Variants in HERC3 observed in about 807,000 individuals in gnomAD.
HERC3 encodes the protein HECT and RLD domain containing E3 ubiquitin protein ligase 3.
Under a neutral mutation model 129.9 loss-of-function variants are expected in HERC3, and 58 were observed. That is an observed-to-expected ratio of 0.45 (90% CI 0.36 to 0.56). The LOEUF (loss-of-function observed/expected upper bound fraction) is 0.56, where lower values mean the gene tolerates loss of function less well. HERC3 is among the 20% of genes least tolerant of loss of function. The pLI, the probability that HERC3 is intolerant of heterozygous loss-of-function variation, is 0.00. For missense variants in HERC3, 835 were observed against 1,244.2 expected, an observed-to-expected ratio of 0.67 and a Z score of 4.95; for synonymous variants, 430 against 451.0, an observed-to-expected ratio of 0.95 and a Z score of 0.59.
chr4:88,527,056 G>A, the HERC3 span: 1 of 152,236 alleles, frequency 6.6e-6, no homozygotes, highest in South Asian at 2.1e-4. Flanking sequence ...AATAACTCTA[G>A]ACATGAATGT....
In HERC3 at chr4:88,704,170, T is replaced by C. The variant is rs754319468; in HGVS notation, c.2730T>C (p.Ser910=). 1.9e-6 allele frequency: 3 copies of C among 1,614,082 alleles called. No homozygotes were observed. Among genetic ancestry groups the C allele is most frequent in the South Asian group, 1.1e-5 (1 of 91,084 alleles). The change falls in exon 24 of 26, where the codon TCT becomes TCC. Residue 910 remains serine, a synonymous_variant. Transcript: ENST00000402738. The stretch of plus-strand genomic sequence containing the variant: ...TTCATGAATGGTACACAGCCTTCTC[T>C]AGTGGCTTCCTAAAGGTGTGTGGTG... ...ISVHEWYTAF[S]SGFLKVCGGK... is the part of the protein sequence containing the mutation.
At chr4:88,647,436 G>A (rs1280004590) in intron 3 of HERC3, among the ~76,000 whole-genome samples, 1 of 152,148 alleles carries the variant, frequency 6.6e-6, no homozygotes, top group East Asian at 1.9e-4. Context: ...CAGAAAAGCC[G>A]TCCAAGTCCT....
At chr4:88,599,229 T>C (rs1259825315) in intron 2 of HERC3, among the ~76,000 whole-genome samples, 1 of 152,350 alleles carries the variant, frequency 6.6e-6, no homozygotes, top group East Asian at 1.9e-4. Context: ...CTCCAATGTG[T>C]TGAACTTCTC....
intron 21 of HERC3, among the ~76,000 whole-genome samples, chr4:88,685,503 A>G (rs1371293117): frequency 1.3e-5 from 2 of 152,178 alleles, no homozygotes; most frequent in Non-Finnish European, 2.9e-5. Context: ...AGGAACAGAA[A>G]ACCAAACACC....
At chr4:88,697,199 GC>G (rs765044533) in intron 23 of HERC3, 1 of 1,504,556 alleles carries the variant, frequency 6.6e-7, no homozygotes, top group Non-Finnish European at 8.9e-7. Flanking sequence ...ATCCATCTCT[GC>G]CCCCCTTACT....
chr4:88,674,687 G>GT (rs33944358), intron 16 of HERC3, among the ~76,000 whole-genome samples: 6,189 of 152,024 alleles, frequency 0.041, 162 homozygotes, highest in Middle Eastern at 0.12. Flanking sequence ...GTGTGGTTTT[G>GT]TTTTTTTGTT....
At chr4:88,672,496 A>G (rs938400488) in intron 16 of HERC3, among the ~76,000 whole-genome samples, 18 of 152,224 alleles carry the variant, frequency 1.2e-4, no homozygotes, top group Non-Finnish European at 2.5e-4. Flanking sequence ...TTGAAGTTTA[A>G]TTTAAAATAC....
At chr4:88,682,231 A>C (rs1240539978) in intron 21 of HERC3, among the ~76,000 whole-genome samples, 1 of 152,190 alleles carries the variant, frequency 6.6e-6, no homozygotes, top group Non-Finnish European at 1.5e-5. Flanking sequence ...AGAATTGCTG[A>C]GTAACTCTGT....
chr4:88,585,876 TAATGACTTAA>T, the HERC3 span, among the ~76,000 whole-genome samples: 1 of 152,222 alleles, frequency 6.6e-6, no homozygotes, highest in Non-Finnish European at 1.5e-5. Flanking sequence ...CATATATCAG[TAATGACTTAA>T]AATGACTTAC....
chr4:88,626,944 A>G (rs565077693), intron 3 of HERC3, among the ~76,000 whole-genome samples: 4 of 152,010 alleles, frequency 2.6e-5, no homozygotes, highest in African/African-American at 9.6e-5. Context: ...CTTTGTGTTT[A>G]ATTTACCGTA....
chr4:88,644,443 T>C (rs1728476584), intron 3 of HERC3, among the ~76,000 whole-genome samples: 1 of 152,200 alleles, frequency 6.6e-6, no homozygotes, highest in African/African-American at 2.4e-5. Context: ...GAACAAACTG[T>C]TGATACATGC....
At position 88,669,867 on chromosome 4, in the gene HERC3, G is replaced by T; in HGVS notation, c.1641G>T (p.Trp547Cys). ...DTNPSKVLDN[W>C]WSQVCPKYFM... The stretch of plus-strand genomic sequence containing the variant: ...TTTTCTTTCTTTCTAAAGATAACTG[G>T]TGGTCTCAGGTATGCCCGAAATATT... The change falls in exon 15 of 26, where the codon TGG becomes TGT. Residue 547 changes from tryptophan to cysteine, a missense_variant. By Grantham distance (215) the Trp-to-Cys change is radical (BLOSUM62 -2). Transcript: ENST00000402738. 1.2e-6 allele frequency: 2 copies of T among 1,611,178 alleles called. No individual in the cohort carries two copies. Among genetic ancestry groups the T allele is most frequent in the Non-Finnish European group, 1.7e-6 (2 of 1,177,918 alleles).
In HERC3 at chr4:88,678,053, C is replaced by T. The variant is rs762487811; in HGVS notation, c.2115C>T (p.His705=). 48 of 1,613,836 alleles carry T rather than the reference C, an allele frequency of 3.0e-5. No homozygotes were observed. The highest frequency in any genetic ancestry group is 1.3e-4 in the Admixed American group (8 of 59,996). ...LLARSPFLVL[H]VRRNNLVGDA... ...CCAGAAGCCCCTTCCTGGTCCTTCA[C>T]GTTCGCAGGAACAACCTTGTTGGAG... The change falls in exon 19 of 26, where the codon CAC becomes CAT. Residue 705 remains histidine, a synonymous_variant. Coordinates refer to ENST00000402738, the MANE Select transcript of HERC3 (RefSeq NM_014606.3).
chr4:88,606,080 G>A (rs751466149), intron 3 of HERC3, 31 bp downstream of exon 3: 3 of 1,562,198 alleles, frequency 1.9e-6, no homozygotes, highest in East Asian at 2.3e-5. Context: ...TTGATTATTG[G>A]TGAGAATGGA....
At chr4:88,549,870 T>C in the HERC3 span, among the ~76,000 whole-genome samples, 1 of 152,016 alleles carries the variant, frequency 6.6e-6, no homozygotes, top group Non-Finnish European at 1.5e-5. Context: ...ATGATAGAAA[T>C]CTAAGTACTA....
At chr4:88,658,044 G>A (rs1470205740) in intron 9 of HERC3, among the ~76,000 whole-genome samples, 3 of 152,212 alleles carry the variant, frequency 2.0e-5, no homozygotes, top group East Asian at 3.9e-4. Flanking sequence ...GGCAAGATTC[G>A]TCCTGACGGG....
the HERC3 span, among the ~76,000 whole-genome samples, chr4:88,554,416 G>A: frequency 3.3e-5 from 5 of 152,060 alleles, no homozygotes; most frequent in African/African-American, 1.2e-4. Flanking sequence ...CTGTGTCTTG[G>A]TAGCAGGCAC....
intron 24 of HERC3, 93 bp from the exon 25 acceptor site, chr4:88,704,415 A>C: frequency 8.4e-7 from 1 of 1,192,904 alleles, no homozygotes. Flanking sequence ...GTATCTCAGC[A>C]CTTATTTCTT....
chr4:88,570,726 G>A, the HERC3 span, among the ~76,000 whole-genome samples: 1 of 151,762 alleles, frequency 6.6e-6, no homozygotes, highest in African/African-American at 2.4e-5. Context: ...TCAACCTTGC[G>A]AGTTACGTAC....
Sources: allele counts gnomAD v4.1 joint callset (sites outside exome capture counted in the v4.1 genomes callset), GRCh38; gene constraint gnomAD v4.1.1; transcripts MANE v1.5; gene names NCBI Gene and HGNC (gene_info 2026-07-23, HGNC 2026-07-21).